PEBP4: variants seen among roughly 807,000 people sequenced by gnomAD.
PEBP4 encodes the protein phosphatidylethanolamine binding protein 4.
A neutral mutation model predicts 23.9 loss-of-function variants in PEBP4; 22 were observed. The observed-to-expected ratio is 0.92, with a 90% CI of 0.66 to 1.31. The LOEUF is 1.31. Among genes scored for constraint, PEBP4 ranks in the 40% most tolerant of loss-of-function variants. The pLI is 0.00. For missense variants in PEBP4, 324 were observed against 281.7 expected (o/e 1.15, Z -1.07); for synonymous variants, 112 against 99.3 (o/e 1.13, Z -0.76).
chr8:22,808,083 C>A (rs1016940124), intron 4 of PEBP4, among the ~76,000 whole-genome samples: 1 of 152,066 alleles, frequency 6.6e-6, no homozygotes, highest in African/African-American at 2.4e-5. Context: ...ACCTATCCAA[C>A]CTCTATCCAT....
At chr8:22,768,964 G>A (rs1805663349) in intron 4 of PEBP4, among the ~76,000 whole-genome samples, 1 of 152,194 alleles carries the variant, frequency 6.6e-6, no homozygotes, top group Non-Finnish European at 1.5e-5. Context: ...GTCACACTAG[G>A]AGCTGGGCAG....
intron 3 of PEBP4, among the ~76,000 whole-genome samples, chr8:22,914,781 T>C (rs1326205806): frequency 6.6e-6 from 1 of 152,040 alleles, no homozygotes; most frequent in Non-Finnish European, 1.5e-5. Flanking sequence ...CTCCTCAAAC[T>C]CTATGGGTTT....
At chr8:22,852,344 T>C (rs1807567650) in intron 3 of PEBP4, among the ~76,000 whole-genome samples, 1 of 152,162 alleles carries the variant, frequency 6.6e-6, no homozygotes, top group South Asian at 2.1e-4. Context: ...AGAAGTTGCT[T>C]TGGCAGAGCG....
At chr8:22,919,163 C>T (rs924139758) in intron 3 of PEBP4, among the ~76,000 whole-genome samples, 4 of 152,178 alleles carry the variant, frequency 2.6e-5, no homozygotes, top group Non-Finnish European at 5.9e-5. Flanking sequence ...AGCTTGTTGT[C>T]CTACTGGGCT....
In PEBP4 at chr8:22,718,798, CG is replaced by C. The variant is rs541397541; in HGVS notation, c.518-5263del. Among the ~76,000 whole-genome samples the C allele has an allele frequency of 4.0e-3, 604 of 152,162 alleles. 2 individuals are homozygous for C. The highest frequency in any genetic ancestry group is 0.014 in the African/African-American group (577 of 41,502). ...GCGCTGGTGGGGGGCAGTCTGAGGGCGGGGGCTGGTCTCCAGGCAGGGCCCC... is the reference window on the plus strand; with the variant it reads ...GCGCTGGTGGGGGGCAGTCTGAGGGCGGGGCTGGTCTCCAGGCAGGGCCCC... On this transcript the variant is annotated intron_variant, in intron 6 of 6. Transcript: ENST00000256404.
At chr8:22,833,401 G>A (rs1009271021) in intron 3 of PEBP4, among the ~76,000 whole-genome samples, 2 of 152,106 alleles carry the variant, frequency 1.3e-5, no homozygotes, top group Non-Finnish European at 2.9e-5. Flanking sequence ...GCGCGATCTC[G>A]GCTTACTGCA....
intron 3 of PEBP4, among the ~76,000 whole-genome samples, chr8:22,902,560 C>A (rs1020730271): frequency 2.0e-5 from 3 of 152,208 alleles, no homozygotes; most frequent in African/African-American, 7.2e-5. Context: ...CCCAGGCAAC[C>A]TCTCCCTCCT....
At chr8:22,797,393 T>C (rs1053919384) in intron 4 of PEBP4, among the ~76,000 whole-genome samples, 4 of 151,432 alleles carry the variant, frequency 2.6e-5, no homozygotes, top group Admixed American at 2.0e-4. Flanking sequence ...CTCTTCACTT[T>C]ACCTGGGAGG....
intron 3 of PEBP4, chr8:22,884,458 G>C (rs528664235): frequency 1.3e-5 from 2 of 152,310 alleles, no homozygotes; most frequent in East Asian, 3.9e-4. Flanking sequence ...TTCTCTCCTA[G>C]TGGGATGGCA....
chr8:22,713,440 G>C lies in PEBP4; in HGVS notation c.614C>G (p.Thr205Ser), dbSNP rs1177626842. ...GGCCCTTTCTCTGGGAGCCTGGAGG[G>C]TTGGTGAGTCCTGGTAGTTCTGGGT... The part of the protein sequence containing the change: ...FMTQNYQDSP[T>S]LQAPRERASE... The change falls in exon 7 of 7, where the codon ACC (threonine) becomes AGC (serine). Residue 205 changes from threonine (T) to serine (S), a missense_variant. Transcript: ENST00000256404. 1 of 1,613,694 alleles carries C rather than the reference G, an allele frequency of 6.2e-7. No homozygotes were observed. Among genetic ancestry groups the C allele is most frequent in the Non-Finnish European group, 8.5e-7 (1 of 1,179,934 alleles).
Position 22,848,540 on chromosome 8 carries a change from T to G in PEBP4, c.259-30805A>C, listed in dbSNP as rs562984863. On this transcript the variant is annotated intron_variant, in intron 3 of 6. Transcript: ENST00000256404. ...TCCTGTGCAGGTGTGACAGGAGCTG[T>G]GCTGTCTGACGGTGCTGTCAGCTCT... Among the ~76,000 whole-genome samples the G allele has an allele frequency of 2.2e-3, 341 of 152,290 alleles. 2 individuals carry two copies. Among genetic ancestry groups the G allele is most frequent in the African/African-American group, 7.8e-3 (322 of 41,544 alleles).
chr8:22,715,463 G>A (rs1363846814), intron 6 of PEBP4, among the ~76,000 whole-genome samples: 1 of 152,234 alleles, frequency 6.6e-6, no homozygotes, highest in East Asian at 1.9e-4. Flanking sequence ...ACGGGCTTAT[G>A]GGTGAATTGG....
At chr8:22,756,723 G>C (rs2128752468) in intron 4 of PEBP4, among the ~76,000 whole-genome samples, 1 of 152,348 alleles carries the variant, frequency 6.6e-6, no homozygotes, top group East Asian at 1.9e-4. Context: ...CTGGGTAAGG[G>C]AGAAGAAAGT....
chr8:22,738,598 G>T (rs750901310), intron 4 of PEBP4, among the ~76,000 whole-genome samples: 2 of 152,120 alleles, frequency 1.3e-5, no homozygotes, highest in Non-Finnish European at 2.9e-5. Context: ...ACCTCAGGCT[G>T]GGTCCGAGAG....
intron 4 of PEBP4, among the ~76,000 whole-genome samples, chr8:22,764,446 T>A (rs1390241775): frequency 6.6e-6 from 1 of 152,180 alleles, no homozygotes; most frequent in Admixed American, 6.5e-5. Flanking sequence ...GCTGGCAGCC[T>A]CACTGTGCAC....
At chr8:22,879,124 A>G (rs1239227493) in intron 3 of PEBP4, among the ~76,000 whole-genome samples, 2 of 152,208 alleles carry the variant, frequency 1.3e-5, no homozygotes, top group Non-Finnish European at 2.9e-5. Flanking sequence ...TCAGCTAGGA[A>G]GGGAAGCAAA....
chr8:22,740,721 C>T (rs1052234992), intron 4 of PEBP4, among the ~76,000 whole-genome samples: 14 of 152,294 alleles, frequency 9.2e-5, no homozygotes, highest in African/African-American at 3.4e-4. Context: ...CCCCTGTGGC[C>T]CCAGCTCTCA....
At chr8:22,790,603 G>C (rs1585273888) in intron 4 of PEBP4, among the ~76,000 whole-genome samples, 1 of 152,148 alleles carries the variant, frequency 6.6e-6, no homozygotes, top group East Asian at 1.9e-4. Flanking sequence ...GGGGTGGAGG[G>C]GGAAATAAAA....
chr8:22,787,728 G>A (rs753007754), intron 4 of PEBP4, among the ~76,000 whole-genome samples: 27 of 152,146 alleles, frequency 1.8e-4, no homozygotes, highest in Non-Finnish European at 5.9e-5. Flanking sequence ...CTACTCCTAC[G>A]GCTACGACTA....
Sources: gnomAD v4.1 joint callset for allele counts (sites outside exome capture counted in the v4.1 genomes callset) on GRCh38, gnomAD v4.1.1 for gene constraint, MANE v1.5 for transcripts, NCBI Gene and HGNC (gene_info 2026-07-23, HGNC 2026-07-21) for gene names.